MTREX: variants seen among roughly 807,000 people sequenced by gnomAD.
MTREX encodes the protein Mtr4 exosome RNA helicase.
MTREX carries 76 observed loss-of-function variants against 135.4 expected under a neutral mutation model. That is an observed-to-expected ratio of 0.56 (90% CI 0.47 to 0.68). The LOEUF (loss-of-function observed/expected upper bound fraction) is 0.68, where lower values mean the gene tolerates loss of function less well. Among genes scored for constraint, MTREX ranks in the 30% least tolerant of loss-of-function variants. MTREX has a pLI of 0.00. For missense variants in MTREX, 920 were observed against 1,262.1 expected, an observed-to-expected ratio of 0.73 and a Z score of 4.11; for synonymous variants, 404 against 401.6, an observed-to-expected ratio of 1.01 and a Z score of -0.07.
intron 25 of MTREX, among the ~76,000 whole-genome samples, chr5:55,420,006 A>G (rs1751028784): frequency 6.6e-6 from 1 of 152,176 alleles, no homozygotes; most frequent in African/African-American, 2.4e-5. Flanking sequence ...TTTATTAGTA[A>G]TTGTTTCTGT....
intron 19 of MTREX, among the ~76,000 whole-genome samples, chr5:55,395,810 A>T (rs909059630): frequency 1.2e-4 from 19 of 152,310 alleles, no homozygotes; most frequent in Non-Finnish European, 2.4e-4. Flanking sequence ...TATTCTTTTT[A>T]AAAAATCAAG....
intron 21 of MTREX, among the ~76,000 whole-genome samples, chr5:55,402,164 T>C (rs1413001126): frequency 6.6e-6 from 1 of 152,238 alleles, no homozygotes; most frequent in African/African-American, 2.4e-5. Flanking sequence ...TATGGTGCTG[T>C]AGCATATACA....
In MTREX at chr5:55,350,455, G is replaced by A. The variant is rs538967897; in HGVS notation, c.1321-464G>A. 2.6e-5 allele frequency among the ~76,000 whole-genome samples: 4 copies of A among 152,274 alleles called. No individual in the cohort carries two copies. The East Asian group carries it at 5.8e-4, about 22-fold the overall frequency. ...ACATCTTTGTTATAGCGCACTTCTAGTAGTAAGTATTTAATGGCGTTTGAT... is the reference window on the plus strand; with the variant it reads ...ACATCTTTGTTATAGCGCACTTCTAATAGTAAGTATTTAATGGCGTTTGAT... On this transcript the variant is annotated intron_variant, in intron 12 of 26. Transcript: ENST00000230640.
intron 15 of MTREX, among the ~76,000 whole-genome samples, chr5:55,362,020 G>T (rs912971769): frequency 6.6e-6 from 1 of 150,916 alleles, no homozygotes; most frequent in African/African-American, 2.4e-5. Flanking sequence ...GGGCTCAAGC[G>T]ACCCTCCCAC....
intron 3 of MTREX, chr5:55,327,408 GTTGT>G: frequency 8.2e-6 from 2 of 243,886 alleles, no homozygotes; most frequent in Admixed American, 5.0e-5. Flanking sequence ...TACCCACTGT[GTTGT>G]TATTCTTCTG....
intron 18 of MTREX, among the ~76,000 whole-genome samples, chr5:55,381,042 G>C (rs540764456): frequency 1.3e-5 from 2 of 152,104 alleles, no homozygotes; most frequent in African/African-American, 4.8e-5. Context: ...TCTTCAGATT[G>C]TCTGTAATTT....
At position 55,358,658 on chromosome 5, in the gene MTREX, A is replaced by G; in HGVS notation, c.1619A>G (p.Asp540Gly). Residue 540 changes from aspartate to glycine, a missense_variant, in exon 15 of 27, where the codon GAT becomes GGT. By Grantham distance (94) the Asp-to-Gly change is moderately conservative. Around this residue, in one of 6 missense-constraint regions of MTREX, gnomAD observed 46 missense variants for 116.8 expected, o/e 0.39. Transcript: ENST00000230640. The part of the protein sequence containing the change: ...DDRGIVILMV[D>G]EKMSPTIGKQ... ...AGAGGAATTGTAATTCTTATGGTAGATGAAAAGATGAGCCCAACAATTGGA... is the reference window on the plus strand; with the variant it reads ...AGAGGAATTGTAATTCTTATGGTAGGTGAAAAGATGAGCCCAACAATTGGA... 1 of 1,604,250 alleles carries G rather than the reference A, an allele frequency of 6.2e-7. No homozygotes were observed. Among genetic ancestry groups the G allele is most frequent in the Non-Finnish European group, 8.5e-7 (1 of 1,176,946 alleles).
At position 55,375,961 on chromosome 5, in the gene MTREX, TTC is replaced by T. The variant is rs1750294380; in HGVS notation, c.1811-2348_1811-2347del. On this transcript the variant is annotated intron_variant, in intron 16 of 26. Transcript: ENST00000230640. ...TGCCATGGCGATGAAGCCTTGTTCG[TTC>T]TCTCGATTTTGACACAGGATTCCTT... 5.9e-5 allele frequency among the ~76,000 whole-genome samples: 9 copies of T among 152,324 alleles called. No individual in the cohort carries two copies. The South Asian group carries it at 1.9e-3, about 32-fold the overall frequency.
chr5:55,345,239 GTA>G, intron 10 of MTREX, 43 bp downstream of exon 10: 1 of 1,257,070 alleles, frequency 8.0e-7, no homozygotes, highest in Non-Finnish European at 1.2e-6. Context: ...CATGTAAATT[GTA>G]TATTCAGATT....
Position 55,313,505 on chromosome 5 carries a change from A to G in MTREX, c.134+5358A>G, listed in dbSNP as rs538700163. On this transcript the variant is annotated intron_variant, in intron 1 of 26. Transcript: ENST00000230640. Reference sequence around the variant, plus strand: ...CATAATTAAACTTTTTCTTATATATACTTACAATAGTTTAAAAATAATTTT... The same window carrying G: ...CATAATTAAACTTTTTCTTATATATGCTTACAATAGTTTAAAAATAATTTT... 2.6e-5 allele frequency among the ~76,000 whole-genome samples: 4 copies of G among 152,322 alleles called. No individual in the cohort carries two copies. The South Asian group carries it at 8.3e-4, about 32-fold the overall frequency.
chr5:55,389,318 T>C (rs1263648399), intron 19 of MTREX, among the ~76,000 whole-genome samples: 1 of 152,198 alleles, frequency 6.6e-6, no homozygotes, highest in East Asian at 1.9e-4. Flanking sequence ...ACATTCTCCC[T>C]TTCTCATGGC....
At chr5:55,387,857 C>T (rs1444449460) in intron 18 of MTREX, 117 bp from the exon 19 acceptor site, 2 of 893,880 alleles carry the variant, frequency 2.2e-6, no homozygotes, top group Non-Finnish European at 3.2e-6. Context: ...ATGTATTACA[C>T]AGTTTGTGTC....
intron 5 of MTREX, among the ~76,000 whole-genome samples, chr5:55,334,767 G>T (rs183321871): frequency 6.6e-6 from 1 of 152,008 alleles, no homozygotes; most frequent in East Asian, 1.9e-4. Flanking sequence ...GGCAAACACT[G>T]ATCATCTTTT....
intron 20 of MTREX, among the ~76,000 whole-genome samples, chr5:55,399,109 C>T (rs1452265470): frequency 6.6e-6 from 1 of 152,186 alleles, no homozygotes; most frequent in Non-Finnish European, 1.5e-5. Flanking sequence ...CTTGGCCAGG[C>T]TCGTGTAGGA....
rs568326965 is a variant in MTREX at position 55,368,511 on chromosome 5, T to C, written c.1810+1636T>C. 1.9e-3 allele frequency among the ~76,000 whole-genome samples: 282 copies of C among 152,356 alleles called. 1 individual carries two copies. Among genetic ancestry groups the C allele is most frequent in the South Asian group, 8.3e-3 (40 of 4,832 alleles). ...TGATTTTTAATGACTGAATAATGTT[T>C]CAATTTTATAACTATCATGATTTAT... is the stretch of plus-strand genomic sequence containing the variant. On this transcript the variant is annotated intron_variant, in intron 16 of 26. Coordinates refer to ENST00000230640, the MANE Select transcript of MTREX (RefSeq NM_015360.5).
chr5:55,391,530 A>G (rs1200038346), intron 19 of MTREX, among the ~76,000 whole-genome samples: 1 of 152,148 alleles, frequency 6.6e-6, no homozygotes, highest in African/African-American at 2.4e-5. Context: ...TAACATCTTC[A>G]CATATGTCCC....
intron 18 of MTREX, among the ~76,000 whole-genome samples, chr5:55,386,988 A>G (rs1750490813): frequency 6.6e-6 from 1 of 152,152 alleles, no homozygotes; most frequent in African/African-American, 2.4e-5. Flanking sequence ...ATGACTGAAC[A>G]TAATCTTTGC....
At chr5:55,388,691 A>G (rs1750519562) in intron 19 of MTREX, among the ~76,000 whole-genome samples, 1 of 152,156 alleles carries the variant, frequency 6.6e-6, no homozygotes, top group Non-Finnish European at 1.5e-5. Flanking sequence ...TACATTTTTG[A>G]CCTAACGATA....
At chr5:55,347,802 TCA>T (rs996632489) in intron 11 of MTREX, among the ~76,000 whole-genome samples, 1 of 152,178 alleles carries the variant, frequency 6.6e-6, no homozygotes, top group Non-Finnish European at 1.5e-5. Context: ...TTTAATGGAC[TCA>T]CAGTTCCACG....
Sources: allele counts gnomAD v4.1 joint callset (sites outside exome capture counted in the v4.1 genomes callset), GRCh38; gene constraint gnomAD v4.1.1; regional missense constraint gnomAD v4.1.1; transcripts MANE v1.5; gene names NCBI Gene and HGNC (gene_info 2026-07-23, HGNC 2026-07-21).